SUPT3H: variants seen among roughly 807,000 people sequenced by gnomAD.
The protein encoded by SUPT3H is SPT3 homolog, SAGA and STAGA complex component.
A neutral mutation model predicts 44.3 loss-of-function variants in SUPT3H; 44 were observed. That is an observed-to-expected ratio of 0.99 (90% CI 0.78 to 1.28). The LOEUF (loss-of-function observed/expected upper bound fraction) is 1.28. Among genes scored for constraint, SUPT3H ranks in the 50% most tolerant of loss-of-function variants. The pLI, the probability that SUPT3H is intolerant of heterozygous loss-of-function variation, is 0.00. For missense variants in SUPT3H, 380 were observed against 387.1 expected, an observed-to-expected ratio of 0.98 and a Z score of 0.15; for synonymous variants, 124 against 125.6, an observed-to-expected ratio of 0.99 and a Z score of 0.09.
At chr6:45,273,423 T>G (rs1303923585) in intron 2 of SUPT3H, among the ~76,000 whole-genome samples, 3 of 152,140 alleles carry the variant, frequency 2.0e-5, no homozygotes, top group African/African-American at 7.2e-5. Flanking sequence ...CCCCATAAAT[T>G]TGATATTAGT....
intron 11 of SUPT3H, among the ~76,000 whole-genome samples, chr6:44,811,623 C>G (rs1007276676): frequency 6.6e-6 from 1 of 152,230 alleles, no homozygotes; most frequent in Non-Finnish European, 1.5e-5. Context: ...AGAGAAGGCA[C>G]AGAAATGCTG....
chr6:44,846,670 C>T (rs1346401812), intron 10 of SUPT3H, among the ~76,000 whole-genome samples: 3 of 151,676 alleles, frequency 2.0e-5, no homozygotes, highest in South Asian at 2.1e-4. Context: ...CTCCCTCTGT[C>T]GCTCAGGCTG....
At chr6:44,956,138 T>G (rs752015957) in intron 7 of SUPT3H, among the ~76,000 whole-genome samples, 1 of 146,890 alleles carries the variant, frequency 6.8e-6, no homozygotes, top group Non-Finnish European at 1.5e-5. Context: ...AAAAGATTCA[T>G]GTAACTAAAC....
chr6:45,261,483 C>T (rs34167737), intron 2 of SUPT3H, among the ~76,000 whole-genome samples: 23,120 of 151,696 alleles, frequency 0.15, 1,995 homozygotes, highest in East Asian at 0.26. Flanking sequence ...AAAAAAAACA[C>T]ATGATCATCT....
chr6:45,175,187 G>A (rs1056742046), intron 2 of SUPT3H, among the ~76,000 whole-genome samples: 1 of 152,084 alleles, frequency 6.6e-6, no homozygotes, highest in East Asian at 1.9e-4. Context: ...TTGCAGATGT[G>A]TGTGTGTGCA....
At chr6:44,944,479 G>A (rs1163903351) in intron 9 of SUPT3H, among the ~76,000 whole-genome samples, 1 of 151,812 alleles carries the variant, frequency 6.6e-6, no homozygotes, top group Non-Finnish European at 1.5e-5. Context: ...ATACAGATCG[G>A]GGGAGGGCAC....
chr6:45,256,986 G>A (rs907553145), intron 2 of SUPT3H, among the ~76,000 whole-genome samples: 24 of 152,100 alleles, frequency 1.6e-4, no homozygotes, highest in Admixed American at 1.4e-3. Context: ...GTCGTAATTC[G>A]ACGTTTAATG....
At chr6:44,951,643 A>G (rs1172589346) in intron 9 of SUPT3H, among the ~76,000 whole-genome samples, 1 of 152,184 alleles carries the variant, frequency 6.6e-6, no homozygotes, top group Non-Finnish European at 1.5e-5. Context: ...TCCAGCACAT[A>G]TAGGATATTC....
At chr6:45,284,557 C>T (rs1392101306) in intron 2 of SUPT3H, among the ~76,000 whole-genome samples, 3 of 152,152 alleles carry the variant, frequency 2.0e-5, no homozygotes, top group African/African-American at 7.2e-5. Context: ...GAAGTTGAAT[C>T]TCTGAATAGA....
chr6:45,258,705 G>T (rs1191799146), intron 2 of SUPT3H, among the ~76,000 whole-genome samples: 4 of 152,024 alleles, frequency 2.6e-5, no homozygotes, highest in Non-Finnish European at 5.9e-5. Context: ...ATCTGTCTAT[G>T]GAAAACTAAG....
chr6:45,178,494 TAGAC>T (rs1183370691), intron 2 of SUPT3H, among the ~76,000 whole-genome samples: 2 of 151,668 alleles, frequency 1.3e-5, no homozygotes, highest in African/African-American at 2.4e-5. Flanking sequence ...CTGTCAACAT[TAGAC>T]AGATCAACGA....
chr6:44,822,987 G>A (rs1044483542), downstream of SUPT3H, among the ~76,000 whole-genome samples: 1 of 151,430 alleles, frequency 6.6e-6, no homozygotes, highest in Non-Finnish European at 1.5e-5. Context: ...ATGTGGTGGC[G>A]CATGCCTGTA....
At chr6:45,204,418 G>A (rs1562683963) in intron 2 of SUPT3H, among the ~76,000 whole-genome samples, 1 of 152,116 alleles carries the variant, frequency 6.6e-6, no homozygotes, top group Non-Finnish European at 1.5e-5. Context: ...GGTTATCACA[G>A]ACAAGCAGTT....
chr6:45,281,210 G>A (rs548406469), intron 2 of SUPT3H, among the ~76,000 whole-genome samples: 68 of 152,326 alleles, frequency 4.5e-4, no homozygotes, highest in African/African-American at 1.2e-3. Context: ...CTGAGGTACC[G>A]GTTCATCTCA....
chr6:44,813,576 G>A (rs1229127123), intron 11 of SUPT3H, among the ~76,000 whole-genome samples: 10 of 135,210 alleles, frequency 7.4e-5, no homozygotes, highest in South Asian at 2.3e-4. Context: ...AAACCAAGAG[G>A]AAAAAAAAAA....
At chr6:45,020,463 C>G in intron 4 of SUPT3H, 83 bp downstream of exon 4, 1 of 992,892 alleles carries the variant, frequency 1.0e-6, no homozygotes, top group East Asian at 2.5e-5. Flanking sequence ...TTGAAAGGTA[C>G]ATAACAAGGA....
rs1266463134 is a variant in SUPT3H, at chr6:45,248,566, T to A, written c.101+116635A>T. Among the ~76,000 whole-genome samples the A allele has an allele frequency of 2.0e-5, 3 of 151,862 alleles. No individual in the cohort carries two copies. The East Asian group carries it at 5.8e-4, about 29-fold the overall frequency. On this transcript the variant is annotated intron_variant, in intron 2 of 10. Coordinates refer to ENST00000371459, the MANE Select transcript of SUPT3H (RefSeq NM_003599.4). ...CTTCACACCTATTAGAATGGCTAAA[T>A]CAAAAAAAGAGAAAAAACTGGCAAT...
chr6:44,928,038 G>C lies in SUPT3H; in HGVS notation c.912+4615C>G, dbSNP rs1354844067. ...TACAGTACTTCTTAAATCCTATTAT[G>C]AAGTATAATCTAATATCCTCACTTT... On this transcript the variant is annotated intron_variant, in intron 10 of 10. Transcript: ENST00000371459. Among the ~76,000 whole-genome samples the C allele has an allele frequency of 3.3e-5, 5 of 152,192 alleles. No homozygotes were observed. The East Asian group carries it at 9.7e-4, about 29-fold the overall frequency.
At chr6:45,313,979 T>C (rs1584869286) in intron 2 of SUPT3H, among the ~76,000 whole-genome samples, 2 of 152,228 alleles carry the variant, frequency 1.3e-5, no homozygotes, top group East Asian at 3.8e-4. Flanking sequence ...GATGCAGGGA[T>C]GGTTTAACAT....
Sources: allele counts gnomAD v4.1 joint callset (sites outside exome capture counted in the v4.1 genomes callset), GRCh38; gene constraint gnomAD v4.1.1; transcripts MANE v1.5; gene names NCBI Gene and HGNC (gene_info 2026-07-23, HGNC 2026-07-21).